Variants in ZFPM2 observed in about 807,000 individuals in gnomAD.
The protein encoded by ZFPM2 is zinc finger protein ZFPM2.
Under a neutral mutation model 98.6 loss-of-function variants are expected in ZFPM2, and 20 were observed. That is an observed-to-expected ratio of 0.20 (90% CI 0.14 to 0.29). ZFPM2 has a LOEUF of 0.29. ZFPM2 is among the 10% of genes least tolerant of loss of function. The pLI is 1.00. For missense variants in ZFPM2, 1,310 were observed against 1,388.6 expected, an observed-to-expected ratio of 0.94 and a Z score of 0.90; for synonymous variants, 518 against 502.7, an observed-to-expected ratio of 1.03 and a Z score of -0.41.
intron 4 of ZFPM2, among the ~76,000 whole-genome samples, chr8:105,590,711 C>T (rs1232108123): frequency 7.2e-5 from 11 of 152,214 alleles, no homozygotes; most frequent in Non-Finnish European, 1.3e-4. Flanking sequence ...TATGTGTATA[C>T]GTATAGACAC....
At chr8:105,758,854 C>T (rs570325949) in intron 5 of ZFPM2, among the ~76,000 whole-genome samples, 2 of 152,148 alleles carry the variant, frequency 1.3e-5, no homozygotes, top group African/African-American at 4.8e-5. Flanking sequence ...TTTAGGAAGA[C>T]ATCCACAGCA....
chr8:105,696,279 C>CTTGG (rs1811015515), intron 5 of ZFPM2, among the ~76,000 whole-genome samples: 1 of 152,130 alleles, frequency 6.6e-6, no homozygotes, highest in South Asian at 2.1e-4. Flanking sequence ...GAGAAATTGC[C>CTTGG]TACCAAATCG....
At chr8:105,340,010 T>G (rs2957442) in intron 1 of ZFPM2, among the ~76,000 whole-genome samples, 67,378 of 151,628 alleles carry the variant, frequency 0.44, 16,843 homozygotes, top group Middle Eastern at 0.6. Flanking sequence ...TTCGTTTATT[T>G]CCAGCAAATA....
intron 3 of ZFPM2, among the ~76,000 whole-genome samples, chr8:105,472,138 TA>T (rs1812917002): frequency 1.3e-5 from 2 of 152,166 alleles, no homozygotes; most frequent in Admixed American, 6.5e-5. Context: ...AAGCTTATGA[TA>T]AAAAAGTAGA....
chr8:105,479,170 C>G (rs1813068122), intron 3 of ZFPM2, among the ~76,000 whole-genome samples: 1 of 152,028 alleles, frequency 6.6e-6, no homozygotes, highest in Non-Finnish European at 1.5e-5. Flanking sequence ...TACATTGACC[C>G]AATGCTACGA....
chr8:105,652,439 T>G (rs1425217302), intron 5 of ZFPM2, among the ~76,000 whole-genome samples: 3 of 151,206 alleles, frequency 2.0e-5, no homozygotes, highest in Non-Finnish European at 4.4e-5. Context: ...TACCATGGTG[T>G]TGCAAGCAAG....
chr8:105,336,707 C>CAA (rs1356510205), intron 1 of ZFPM2, among the ~76,000 whole-genome samples: 1 of 150,938 alleles, frequency 6.6e-6, no homozygotes, highest in Non-Finnish European at 1.5e-5. Flanking sequence ...CACACACACA[C>CAA]ACACACACAC....
chr8:105,346,051 A>G (rs1323786241), intron 1 of ZFPM2, among the ~76,000 whole-genome samples: 2 of 152,202 alleles, frequency 1.3e-5, no homozygotes, highest in Non-Finnish European at 2.9e-5. Flanking sequence ...AGAAAAACAT[A>G]CAGGTGTTAT....
At chr8:105,689,442 C>G (rs1446350347) in intron 5 of ZFPM2, among the ~76,000 whole-genome samples, 1 of 152,186 alleles carries the variant, frequency 6.6e-6, no homozygotes, top group Non-Finnish European at 1.5e-5. Context: ...GCTAAATTCA[C>G]ATAAGCATTT....
intron 2 of ZFPM2, among the ~76,000 whole-genome samples, chr8:105,440,687 C>T (rs1812219300): frequency 6.6e-6 from 1 of 152,132 alleles, no homozygotes; most frequent in South Asian, 2.1e-4. Context: ...AGAGAAGATG[C>T]AGGAGCAGGA....
chr8:105,375,163 A>C (rs1205111932), intron 1 of ZFPM2, among the ~76,000 whole-genome samples: 1 of 152,182 alleles, frequency 6.6e-6, no homozygotes, highest in Non-Finnish European at 1.5e-5. Flanking sequence ...GAAAAAAACA[A>C]AACAAAAACA....
At chr8:105,693,872 C>T (rs1318143150) in intron 5 of ZFPM2, among the ~76,000 whole-genome samples, 1 of 151,462 alleles carries the variant, frequency 6.6e-6, no homozygotes, top group Admixed American at 6.6e-5. Flanking sequence ...ATATCCATTA[C>T]TTCAAACATT....
At chr8:105,707,599 C>G (rs1172069763) in intron 5 of ZFPM2, among the ~76,000 whole-genome samples, 1 of 152,132 alleles carries the variant, frequency 6.6e-6, no homozygotes, top group East Asian at 1.9e-4. Context: ...TGTACTGTTG[C>G]TATCTGTTGA....
intron 3 of ZFPM2, among the ~76,000 whole-genome samples, chr8:105,514,983 C>T (rs1165522134): frequency 6.6e-6 from 1 of 152,118 alleles, no homozygotes; most frequent in Admixed American, 6.5e-5. Context: ...TGTGAATTAA[C>T]TTACTGACCT....
At chr8:105,549,853 A>C (rs562224316) in intron 3 of ZFPM2, among the ~76,000 whole-genome samples, 1 of 151,818 alleles carries the variant, frequency 6.6e-6, no homozygotes, top group Non-Finnish European at 1.5e-5. Flanking sequence ...GGCTCACACA[A>C]TTCTCCTGCC....
intron 4 of ZFPM2, among the ~76,000 whole-genome samples, chr8:105,634,016 G>GA (rs34543965): frequency 0.21 from 31,015 of 146,926 alleles, 3,137 homozygotes; most frequent in South Asian, 0.25. Context: ...TATCATTTAG[G>GA]AAAAAAAAAA....
intron 3 of ZFPM2, among the ~76,000 whole-genome samples, chr8:105,557,561 T>C (rs2130687656): frequency 6.6e-6 from 1 of 152,326 alleles, no homozygotes; most frequent in Non-Finnish European, 1.5e-5. Flanking sequence ...ATCTGAACAA[T>C]CACTAAGTTC....
At chr8:105,347,041 T>C (rs1793871875) in intron 1 of ZFPM2, among the ~76,000 whole-genome samples, 1 of 152,102 alleles carries the variant, frequency 6.6e-6, no homozygotes, top group Non-Finnish European at 1.5e-5. Context: ...TAAAGAAGGA[T>C]CCATGCAGAT....
intron 5 of ZFPM2, among the ~76,000 whole-genome samples, chr8:105,722,126 A>T (rs1419899864): frequency 6.6e-6 from 1 of 151,828 alleles, no homozygotes; most frequent in South Asian, 2.1e-4. Context: ...TATTATATTA[A>T]TGGACAGCTT....
Sources: gnomAD v4.1 joint callset for allele counts (sites outside exome capture counted in the v4.1 genomes callset) on GRCh38, gnomAD v4.1.1 for gene constraint, MANE v1.5 for transcripts, NCBI Gene and HGNC (gene_info 2026-07-23, HGNC 2026-07-21) for gene names.